CARD9: variants seen among roughly 807,000 people sequenced by gnomAD.
CARD9 encodes the protein caspase recruitment domain-containing protein 9.
In CARD9, 53 loss-of-function variants were observed where a neutral mutation model predicts 66.0. The observed-to-expected ratio is 0.80, with a 90% CI of 0.64 to 1.01. CARD9 has a LOEUF of 1.01. Among genes scored for constraint, CARD9 ranks in the 50% least tolerant of loss-of-function variants. The probability of loss-of-function intolerance (pLI) is 0.00; values close to 1 mark genes in which losing one functional copy is unlikely to be tolerated. For synonymous variants in CARD9, 387 were observed against 313.8 expected (o/e 1.23, Z -2.47); for missense variants, 769 against 743.2 (o/e 1.03, Z -0.40).
At chr9:136,370,759 G>A (rs1833246159) in intron 4 of CARD9, 58 bp from the exon 5 acceptor site, 1 of 1,609,914 alleles carries the variant, frequency 6.2e-7, no homozygotes, top group Admixed American at 1.7e-5. Context: ...CAGACCCGTG[G>A]GGCCACCCCC....
chr9:136,371,674 C>G (rs1249170414), intron 2 of CARD9, among the ~76,000 whole-genome samples: 1 of 151,214 alleles, frequency 6.6e-6, no homozygotes, highest in Non-Finnish European at 1.5e-5. Context: ...GCCCCCGCTG[C>G]GGTGGGAGCC....
intron 6 of CARD9, 58 bp downstream of exon 6, chr9:136,370,236 C>T (rs963883853): frequency 1.2e-4 from 194 of 1,574,536 alleles, no homozygotes; most frequent in Non-Finnish European, 1.5e-4. Flanking sequence ...GGGCGGAGCT[C>T]AGCCCGTCCA....
intron 11 of CARD9, chr9:136,364,825 A>G (rs1395668267): frequency 1.7e-6 from 1 of 597,938 alleles, no homozygotes; most frequent in African/African-American, 1.9e-5. Flanking sequence ...TTGTTTCTAC[A>G]ACAAAGCCCG....
chr9:136,368,070 C>G (rs1044034340), intron 7 of CARD9: 2 of 1,381,310 alleles, frequency 1.4e-6, no homozygotes, highest in Non-Finnish European at 1.9e-6. Flanking sequence ...CCCCGGTGGA[C>G]ACAGCGTGTG....
chr9:136,367,838 C>T lies in CARD9; in HGVS notation c.1078-10G>A. 1.9e-6 allele frequency: 3 copies of T among 1,590,594 alleles called. No individual in the cohort carries two copies. The highest frequency in any genetic ancestry group is 2.6e-6 in the Non-Finnish European group (3 of 1,171,910). ...CCCGCGTGGCTATGGCCTGACGGGACAGCACAAGGCCGACCCTCAGTGAGG... is the reference window on the plus strand; with the variant it reads ...CCCGCGTGGCTATGGCCTGACGGGATAGCACAAGGCCGACCCTCAGTGAGG... On this transcript the variant is annotated splice_polypyrimidine_tract_variant and intron_variant, in intron 7 of 12. Coordinates refer to ENST00000371732, the MANE Select transcript of CARD9 (RefSeq NM_052813.5).
intron 6 of CARD9, 143 bp from the exon 7 acceptor site, chr9:136,370,018 C>T: frequency 6.7e-7 from 1 of 1,487,942 alleles, no homozygotes; most frequent in Non-Finnish European, 9.0e-7. Context: ...CAGGCCCCTA[C>T]CAGCCCTGCA....
chr9:136,364,245 G>C lies in CARD9; in HGVS notation c.*57C>G. 5.2e-6 allele frequency: 8 copies of C among 1,550,420 alleles called. No individual in the cohort carries two copies. The highest frequency in any genetic ancestry group is 7.0e-6 in the Non-Finnish European group (8 of 1,146,660). On this transcript the variant is annotated 3_prime_UTR_variant, in exon 13 of 13. Coordinates refer to ENST00000371732, the MANE Select transcript of CARD9 (RefSeq NM_052813.5). ...TGCGCCCCAGGGCGTCGGCACCCCC[G>C]GGTGGCAGGAGGCCGGGCCGGTGGG...
At chr9:136,372,924 C>T (rs1833309762) in intron 1 of CARD9, among the ~76,000 whole-genome samples, 2 of 152,354 alleles carry the variant, frequency 1.3e-5, no homozygotes, top group Admixed American at 6.5e-5. Context: ...CTTCTCCTGC[C>T]CCAGATGAGG....
Position 136,364,081 on chromosome 9 carries a change from G to T in CARD9, c.*221C>A. ...GAAGTTACACAGATGGCGTGTGCATGGGGGTGGTGAGCACCCGCATGGCCT... is the reference window on the plus strand; with the variant it reads ...GAAGTTACACAGATGGCGTGTGCATTGGGGTGGTGAGCACCCGCATGGCCT... On this transcript the variant is annotated 3_prime_UTR_variant, in exon 13 of 13. Coordinates refer to ENST00000371732, the MANE Select transcript of CARD9 (RefSeq NM_052813.5). 1 of 1,549,408 alleles carries T rather than the reference G, an allele frequency of 6.5e-7. No individual in the cohort carries two copies. The highest frequency in any genetic ancestry group is 8.7e-7 in the Non-Finnish European group (1 of 1,145,890).
At chr9:136,367,085 T>A (rs1411526048) in intron 9 of CARD9, 131 bp downstream of exon 9, 21 of 1,185,224 alleles carry the variant, frequency 1.8e-5, no homozygotes, top group Non-Finnish European at 2.5e-5. Context: ...GGCCACCTGC[T>A]CTTCCTCCAC....
chr9:136,371,864 TG>T, intron 2 of CARD9, 30 bp downstream of exon 2: 1 of 1,570,990 alleles, frequency 6.4e-7, no homozygotes, highest in Non-Finnish European at 8.7e-7. Context: ...TGGTTGGGTT[TG>T]GGGCCTGGGG....
rs1833251104 is a variant in CARD9, at chr9:136,370,896, T to G, written c.572A>C (p.His191Pro). The change falls in exon 4 of 13, where the codon CAC becomes CCC. Residue 191 changes from histidine to proline, a missense_variant. Transcript: ENST00000371732. ...CGCGGCGCCCTTCTCCTCACTCTGG[T>G]GCGCCAGGCGCATGGCCAGGTCGTA... ...ENYDLAMRLA[H>P]QSEEKGAALM... 6.2e-7 allele frequency: 1 copy of G among 1,609,046 alleles called. No individual in the cohort carries two copies. Among genetic ancestry groups the G allele is most frequent in the Non-Finnish European group, 8.5e-7 (1 of 1,177,220 alleles).
chr9:136,365,439 G>A, intron 10 of CARD9: 1 of 582,458 alleles, frequency 1.7e-6, no homozygotes, highest in Non-Finnish European at 3.1e-6. Context: ...GCCAGCCCAG[G>A]CCCAACGCTC....
intron 10 of CARD9, chr9:136,365,590 G>A (rs1833105530): frequency 3.4e-6 from 1 of 295,390 alleles, no homozygotes; most frequent in Non-Finnish European, 6.5e-6. Context: ...CGGCCCTGGG[G>A]AGAGAGTTGG....
At position 136,371,000 on chromosome 9, in the gene CARD9, C is replaced by T. The variant is rs772862677; in HGVS notation, c.468G>A (p.Lys156=). The T allele has an allele frequency of 2.5e-6, 4 of 1,611,536 alleles. No individual in the cohort carries two copies. The highest frequency in any genetic ancestry group is 1.7e-4 in the Middle Eastern group (1 of 6,054). ...TGAGCCTCTGCACACGCTCCTGGTG[C>T]TTGCGCAGCAGGCTGTCCTTCACCC... The part of the protein sequence containing the change: ...ELRVKDSLLR[K]HQERVQRLKE... Residue 156 remains lysine, a synonymous_variant, in exon 4 of 13, where the codon AAG becomes AAA. Transcript: ENST00000371732.
At chr9:136,368,792 G>A (rs919391350) in intron 7 of CARD9, among the ~76,000 whole-genome samples, 7 of 152,122 alleles carry the variant, frequency 4.6e-5, no homozygotes, top group Admixed American at 3.9e-4. Flanking sequence ...AAATAGCTGG[G>A]ACCACAGGCA....
chr9:136,366,774 T>C, intron 10 of CARD9, 26 bp downstream of exon 10: 2 of 1,612,668 alleles, frequency 1.2e-6, no homozygotes, highest in South Asian at 1.1e-5. Context: ...GGGAGGCCTC[T>C]GGGTGTACTG....
In CARD9 at chr9:136,369,829, C is replaced by G; in HGVS notation, c.998G>C (p.Arg333Pro). 1 of 1,612,968 alleles carries G rather than the reference C, an allele frequency of 6.2e-7. No individual in the cohort carries two copies. Among genetic ancestry groups the G allele is most frequent in the Non-Finnish European group, 8.5e-7 (1 of 1,179,996 alleles). ...GTCCTTGTACATCTTGGAGTCCTTA[C>G]GTAGTGCCAGGCACTGCAGCTCGAA... ...EMFELQCLAL[R>P]KDSKMYKDRI... The change falls in exon 7 of 13, where the codon CGT becomes CCT. Residue 333 changes from arginine to proline, a missense_variant. Transcript: ENST00000371732.
chr9:136,366,780 T>G lies in CARD9; in HGVS notation c.1357+20A>C, dbSNP rs1319736128. 1 of 1,612,888 alleles carries G rather than the reference T, an allele frequency of 6.2e-7. No homozygotes were observed. Among genetic ancestry groups the G allele is most frequent in the Non-Finnish European group, 8.5e-7 (1 of 1,179,790 alleles). ...GGGGAAGCTGGGAGGCCTCTGGGTG[T>G]ACTGCTGTCCCCACCTCACCTTTGT... is the stretch of plus-strand genomic sequence containing the variant. On this transcript the variant is annotated intron_variant, in intron 10 of 12. Coordinates refer to ENST00000371732, the MANE Select transcript of CARD9 (RefSeq NM_052813.5).
Sources: allele counts gnomAD v4.1 joint callset (sites outside exome capture counted in the v4.1 genomes callset), GRCh38; gene constraint gnomAD v4.1.1; transcripts MANE v1.5; gene names NCBI Gene and HGNC (gene_info 2026-07-23, HGNC 2026-07-21).